Variants in ZNF462 observed in about 807,000 individuals in gnomAD.
ZNF462 encodes zinc finger PBX1-interacting protein.
A neutral mutation model predicts 201.9 loss-of-function variants in ZNF462; 10 were observed. The ratio of observed to expected loss-of-function variants is 0.05; its 90% CI spans 0.03 to 0.08. The LOEUF is 0.08. ZNF462 is among the 10% of genes least tolerant of loss of function. The probability of loss-of-function intolerance (pLI) is 1.00; values close to 1 mark genes in which losing one functional copy is unlikely to be tolerated. For missense variants in ZNF462, 2,523 were observed against 3,168.3 expected, an observed-to-expected ratio of 0.80 and a Z score of 4.89; for synonymous variants, 1,227 against 1,193.3, an observed-to-expected ratio of 1.03 and a Z score of -0.58.
chr9:106,907,073 T>G (rs1829303067), intron 1 of ZNF462, among the ~76,000 whole-genome samples: 1 of 152,168 alleles, frequency 6.6e-6, no homozygotes, highest in Non-Finnish European at 1.5e-5. Flanking sequence ...ATTATTTTCT[T>G]TTTTGACATT....
At position 106,929,683 on chromosome 9, in the gene ZNF462, G is replaced by A. The variant is rs751050786; in HGVS notation, c.5771G>A (p.Arg1924His). The A allele has an allele frequency of 6.2e-7, 1 of 1,614,132 alleles. No individual in the cohort carries two copies. The highest frequency in any genetic ancestry group is 8.5e-7 in the Non-Finnish European group (1 of 1,180,040). ...HNEEFQKRAK[R>H]QERRKQLLSK... Reference sequence around the variant, plus strand: ...GAGGAATTCCAGAAGCGTGCCAAACGTCAGGAGAGGAGGAAACAGCTTTTG... The same window carrying A: ...GAGGAATTCCAGAAGCGTGCCAAACATCAGGAGAGGAGGAAACAGCTTTTG... The change falls in exon 3 of 13, where the codon CGT becomes CAT. Residue 1924 changes from arginine to histidine, a missense_variant. Coordinates refer to ENST00000277225, the MANE Select transcript of ZNF462 (RefSeq NM_021224.6). The surrounding 1 kb of genome is among the most constrained non-coding windows in gnomAD (Gnocchi z 8.7).
At position 106,970,863 on chromosome 9, in the gene ZNF462, G is replaced by T. The variant is rs1383538178; in HGVS notation, c.6428-1142G>T. Among the ~76,000 whole-genome samples, 1 of 148,900 alleles carries T rather than the reference G, an allele frequency of 6.7e-6. No homozygotes were observed. Among genetic ancestry groups the T allele is most frequent in the East Asian group, 2.0e-4 (1 of 5,088 alleles). ...TTTTTTTTTAATTCAAAGAAGAAAC[G>T]CTGAGATTTCCCCTCCTCCCTCCTA... On this transcript the variant is annotated intron_variant, in intron 7 of 12. Coordinates refer to ENST00000277225, the MANE Select transcript of ZNF462 (RefSeq NM_021224.6). The surrounding 1 kb of genome is among the most constrained non-coding windows in gnomAD (Gnocchi z 4.2).
chr9:106,945,366 T>C (rs945863400), intron 7 of ZNF462, among the ~76,000 whole-genome samples: 1 of 152,196 alleles, frequency 6.6e-6, no homozygotes, highest in African/African-American at 2.4e-5. Context: ...TGCTTTATTT[T>C]TGAAGAGAAG....
intron 7 of ZNF462, among the ~76,000 whole-genome samples, chr9:106,953,509 C>G (rs1017887537): frequency 2.0e-5 from 3 of 152,110 alleles, no homozygotes; most frequent in Admixed American, 6.6e-5. Flanking sequence ...AATTCTCTTC[C>G]CTTGGTTTTG....
chr9:106,899,239 T>TGGGGGGG (rs71384992), intron 1 of ZNF462, among the ~76,000 whole-genome samples: 1 of 57,502 alleles, frequency 1.7e-5, no homozygotes, highest in African/African-American at 4.9e-5. Context: ...TGTGTGTGTG[T>TGGGGGGG]GGGGGGGGGG....
chr9:106,909,073 C>T (rs1478691847), intron 1 of ZNF462, among the ~76,000 whole-genome samples: 1 of 146,276 alleles, frequency 6.8e-6, no homozygotes, highest in Non-Finnish European at 1.5e-5. Flanking sequence ...AGCAATTCTC[C>T]TGTCTCAGCC....
At chr9:106,937,749 T>A (rs1830692173) in intron 6 of ZNF462, among the ~76,000 whole-genome samples, 1 of 152,174 alleles carries the variant, frequency 6.6e-6, no homozygotes, top group South Asian at 2.1e-4. Flanking sequence ...TATGTTATTA[T>A]AAACTCCAAG....
chr9:106,960,111 G>T (rs564013974), intron 7 of ZNF462, among the ~76,000 whole-genome samples: 1 of 152,192 alleles, frequency 6.6e-6, no homozygotes, highest in Admixed American at 6.5e-5. Context: ...TTGAAATGTG[G>T]CTGCTCATTC....
intron 10 of ZNF462, among the ~76,000 whole-genome samples, chr9:106,988,747 C>G (rs911958655): frequency 6.6e-6 from 1 of 152,058 alleles, no homozygotes; most frequent in Non-Finnish European, 1.5e-5. Context: ...TTGTAGAGGT[C>G]TTTTGCCTCC....
chr9:106,892,691 TGCACACACAC>T (rs1036217094), intron 1 of ZNF462, among the ~76,000 whole-genome samples: 113 of 143,486 alleles, frequency 7.9e-4, no homozygotes, highest in Non-Finnish European at 3.0e-5. Flanking sequence ...CACACACACA[TGCACACACAC>T]ACGCACACAC....
In ZNF462 at chr9:106,984,490, C is replaced by T. The variant is rs891094307; in HGVS notation, c.7056+81C>T. 3.5e-5 allele frequency: 39 copies of T among 1,108,030 alleles called. No individual in the cohort carries two copies. Among genetic ancestry groups the T allele is most frequent in the South Asian group, 4.5e-5 (3 of 67,024 alleles). 68.6% of individuals were successfully genotyped at this position (1,108,030 alleles called of 1,614,324 possible). On this transcript the variant is annotated intron_variant, in intron 10 of 12. Transcript: ENST00000277225. This position sits in a 1 kb window ranked among gnomAD's most constrained non-coding sequence, Gnocchi z 6.4. ...GGGGAGACACCACTGCATTTAGTCA[C>T]GACCACTGTGTACCAGATGGAGATG... is the stretch of plus-strand genomic sequence containing the variant.
intron 7 of ZNF462, among the ~76,000 whole-genome samples, chr9:106,957,421 A>C (rs1831630530): frequency 6.6e-6 from 1 of 152,202 alleles, no homozygotes; most frequent in African/African-American, 2.4e-5. Flanking sequence ...CGTAACAGAA[A>C]TTATAATAAC....
Position 107,012,436 on chromosome 9 carries a change from T to G in ZNF462, c.*1406T>G, listed in dbSNP as rs1224977922. The stretch of plus-strand genomic sequence containing the variant: ...GGAGCCTGGAGAACTACTTTCTTTC[T>G]TTCTTTTTTTTTTTTTTTTTTTTTT... On this transcript the variant is annotated 3_prime_UTR_variant, in exon 13 of 13. Coordinates refer to ENST00000277225, the MANE Select transcript of ZNF462 (RefSeq NM_021224.6). The G allele has an allele frequency of 2.9e-5, 4 of 137,496 alleles. No individual in the cohort carries two copies. The highest frequency in any genetic ancestry group is 1.1e-4 in the African/African-American group (4 of 34,820). The allele number at this position is 137,496 out of a possible 1,614,324, so 8.5% of individuals were successfully genotyped here.
intron 7 of ZNF462, among the ~76,000 whole-genome samples, chr9:106,967,327 T>C (rs1175434012): frequency 1.3e-5 from 2 of 152,136 alleles, no homozygotes; most frequent in South Asian, 2.1e-4. Context: ...TGTTGTGGAA[T>C]TGGAACTGTG....
At chr9:106,934,412 A>C (rs1254953962) in intron 5 of ZNF462, among the ~76,000 whole-genome samples, 1 of 152,206 alleles carries the variant, frequency 6.6e-6, no homozygotes, top group Non-Finnish European at 1.5e-5. Context: ...CTGACTTGGA[A>C]AAATTGACTT....
Position 106,863,175 on chromosome 9 carries a change from G to T in ZNF462, c.-211G>T, listed in dbSNP as rs1307077588. 5 of 399,194 alleles carry T rather than the reference G, an allele frequency of 1.3e-5. No homozygotes were observed. The highest frequency in any genetic ancestry group is 2.2e-5 in the Non-Finnish European group (5 of 226,390). 24.7% of individuals were successfully genotyped at this position (399,194 alleles called of 1,614,324 possible). On this transcript the variant is annotated 5_prime_UTR_variant, in exon 1 of 13. Transcript: ENST00000277225. ...CATCTGCAGCTGCAGCGAGTCTGAGGAGCCGAGGAAGGCAGGGAAGATGGC... is the reference window on the plus strand; with the variant it reads ...CATCTGCAGCTGCAGCGAGTCTGAGTAGCCGAGGAAGGCAGGGAAGATGGC...
At position 106,972,745 on chromosome 9, in the gene ZNF462, C is replaced by A. The variant is rs943668523; in HGVS notation, c.6695+473C>A. Among the ~76,000 whole-genome samples the A allele has an allele frequency of 5.3e-5, 8 of 152,164 alleles. No individual in the cohort carries two copies. The highest frequency in any genetic ancestry group is 1.4e-4 in the African/African-American group (6 of 41,436). On this transcript the variant is annotated intron_variant, in intron 8 of 12. Transcript: ENST00000277225. The surrounding 1 kb of genome is among the most constrained non-coding windows in gnomAD (Gnocchi z 4.8). ...TTGAAAGACACATAGAGAATCAAGA[C>A]CCTGGCACTTCCAACACTACACTTG...
chr9:106,967,901 A>G (rs1438062526), intron 7 of ZNF462, among the ~76,000 whole-genome samples: 1 of 151,970 alleles, frequency 6.6e-6, no homozygotes, highest in Non-Finnish European at 1.5e-5. Context: ...TTTTTTCATA[A>G]TGCTTCAAAA....
At chr9:106,912,187 A>C (rs111523069) in intron 1 of ZNF462, among the ~76,000 whole-genome samples, 22 of 152,284 alleles carry the variant, frequency 1.4e-4, no homozygotes, top group African/African-American at 5.3e-4. Flanking sequence ...ATAAGAAACA[A>C]GATGATGTTT....
Sources: gnomAD v4.1 joint callset for allele counts (sites outside exome capture counted in the v4.1 genomes callset) on GRCh38, gnomAD v4.1.1 for gene constraint, Gnocchi (gnomAD v3.1) non-coding constraint, MANE v1.5 for transcripts, NCBI Gene and HGNC (gene_info 2026-07-23, HGNC 2026-07-21) for gene names.